The following TRIM62 variants were observed in gnomAD, a reference collection of about 807,000 sequenced individuals.
The protein encoded by TRIM62 is E3 ubiquitin-protein ligase TRIM62.
A neutral mutation model predicts 44.2 loss-of-function variants in TRIM62; 39 were observed. The ratio of observed to expected loss-of-function variants is 0.88; its 90% CI spans 0.68 to 1.15. TRIM62 has a LOEUF of 1.15. Ranked by LOEUF, TRIM62 falls within the 50% of genes most tolerant of loss-of-function variation. The pLI, the probability that TRIM62 is intolerant of heterozygous loss-of-function variation, is 0.00. For synonymous variants in TRIM62, 278 were observed against 292.3 expected (o/e 0.95, Z 0.50); for missense variants, 544 against 665.5 (o/e 0.82, Z 2.01).
Position 33,181,059 on chromosome 1 carries a change from A to G in TRIM62, c.374T>C (p.Val125Ala). 6.4e-7 allele frequency: 1 copy of G among 1,557,954 alleles called. No individual in the cohort carries two copies. The highest frequency in any genetic ancestry group is 8.7e-7 in the Non-Finnish European group (1 of 1,154,160). ...DEPALHEQHQ[V>A]TGIDDAFDEL... ...GTCGAAGGCGTCGTCGATGCCGGTG[A>G]CCTGATGCTGCTCGTGCAGTGCAGG... Residue 125 changes from valine (V) to alanine (A), a missense_variant, in exon 1 of 5, where the codon GTC (valine) becomes GCC (alanine). Physicochemically the swap from Val to Ala is moderately conservative, Grantham distance 64. Coordinates refer to ENST00000291416, the MANE Select transcript of TRIM62 (RefSeq NM_018207.3). This position sits in a 1 kb window ranked among gnomAD's most constrained non-coding sequence, Gnocchi z 6.5.
intron 4 of TRIM62, among the ~76,000 whole-genome samples, chr1:33,152,304 G>A (rs1236373227): frequency 6.6e-6 from 1 of 152,190 alleles, no homozygotes; most frequent in Admixed American, 6.5e-5. Flanking sequence ...GGTGGCTCAC[G>A]CCCGTAATTC....
At position 33,181,070 on chromosome 1, in the gene TRIM62, C is replaced by T. The variant is rs1418818870; in HGVS notation, c.363G>A (p.Glu121=). ...CGTCGATGCCGGTGACCTGATGCTG[C>T]TCGTGCAGTGCAGGCTCGTCGCAGA... ...CFFCDEPALH[E]QHQVTGIDDA... Residue 121 remains glutamate (E), a synonymous_variant, in exon 1 of 5, where the codon GAG becomes GAA. Transcript: ENST00000291416. This position sits in a 1 kb window ranked among gnomAD's most constrained non-coding sequence, Gnocchi z 6.5. 1 of 1,599,550 alleles carries T rather than the reference C, an allele frequency of 6.3e-7. No individual in the cohort carries two copies. The highest frequency in any genetic ancestry group is 8.5e-7 in the Non-Finnish European group (1 of 1,178,682).
chr1:33,160,985 T>G (rs1031437378), intron 2 of TRIM62, among the ~76,000 whole-genome samples: 24 of 152,122 alleles, frequency 1.6e-4, no homozygotes, highest in African/African-American at 5.8e-4. Flanking sequence ...GGGCACAGGT[T>G]TGGTGCCTGA....
At chr1:33,166,445 A>G (rs1162607303) in intron 1 of TRIM62, 5 of 152,064 alleles carry the variant, frequency 3.3e-5, no homozygotes, top group East Asian at 1.9e-4. Context: ...GTCCAATGCT[A>G]CAGACTAGCT....
At chr1:33,170,439 G>A (rs1382990767) in intron 1 of TRIM62, among the ~76,000 whole-genome samples, 1 of 152,102 alleles carries the variant, frequency 6.6e-6, no homozygotes, top group Non-Finnish European at 1.5e-5. Flanking sequence ...GGGCTCTTGA[G>A]GGCAAGGACT....
intron 4 of TRIM62, among the ~76,000 whole-genome samples, chr1:33,151,405 C>T (rs1645096271): frequency 6.6e-6 from 1 of 152,128 alleles, no homozygotes; most frequent in Admixed American, 6.5e-5. Flanking sequence ...CTGAAGCCAC[C>T]TCCAAGGCCT....
chr1:33,179,118 T>C (rs1051162669), intron 1 of TRIM62, among the ~76,000 whole-genome samples: 2 of 152,230 alleles, frequency 1.3e-5, no homozygotes, highest in African/African-American at 2.4e-5. Flanking sequence ...GTTGGACAGA[T>C]GGTTTCAGAC....
At chr1:33,170,367 G>T (rs1263683420) in intron 1 of TRIM62, among the ~76,000 whole-genome samples, 1 of 151,774 alleles carries the variant, frequency 6.6e-6, no homozygotes, top group Admixed American at 6.6e-5. Context: ...TTCCAGCCTG[G>T]GTGACAGAGC....
chr1:33,158,244 A>G lies in TRIM62; in HGVS notation c.877+9T>C, dbSNP rs1356038832. The G allele has an allele frequency of 9.9e-6, 16 of 1,612,972 alleles. No homozygotes were observed. Among genetic ancestry groups the G allele is most frequent in the African/African-American group, 1.3e-5 (1 of 74,906 alleles). ...ACCTAGCTCTGGACCATGATAACCC[A>G]TGCCTTACCTGGGTGGATGTCCTGG... On this transcript the variant is annotated intron_variant, in intron 4 of 4. Coordinates refer to ENST00000291416, the MANE Select transcript of TRIM62 (RefSeq NM_018207.3).
Position 33,153,625 on chromosome 1 carries a change from C to G in TRIM62, c.877+4628G>C, listed in dbSNP as rs745592103. 3.9e-5 allele frequency among the ~76,000 whole-genome samples: 6 copies of G among 152,278 alleles called. 1 individual carries two copies. The highest frequency in any genetic ancestry group is 6.8e-3 in the Middle Eastern group (2 of 294). On this transcript the variant is annotated intron_variant, in intron 4 of 4. Coordinates refer to ENST00000291416, the MANE Select transcript of TRIM62 (RefSeq NM_018207.3). ...GAGAAACCCTGCACTGGGGTGATGG[C>G]AAGTTCCACATCCCTTTGCTCCCTT... is the stretch of plus-strand genomic sequence containing the variant.
chr1:33,167,060 A>G lies in TRIM62; in HGVS notation c.409-1494T>C, dbSNP rs954823258. Among the ~76,000 whole-genome samples, 38 of 152,090 alleles carry G rather than the reference A, an allele frequency of 2.5e-4. No individual in the cohort carries two copies. Among genetic ancestry groups the G allele is most frequent in the African/African-American group, 8.9e-4 (37 of 41,410 alleles). Reference sequence around the variant, plus strand: ...GCCTCCACCATCTTGAGCTCGTTCCAATCTTCAGACTATGCCCTGGCTATT... The same window carrying G: ...GCCTCCACCATCTTGAGCTCGTTCCGATCTTCAGACTATGCCCTGGCTATT... On this transcript the variant is annotated intron_variant, in intron 1 of 4. Coordinates refer to ENST00000291416, the MANE Select transcript of TRIM62 (RefSeq NM_018207.3). This position sits in a 1 kb window ranked among gnomAD's most constrained non-coding sequence, Gnocchi z 4.2.
chr1:33,180,036 T>G (rs1364168712), intron 1 of TRIM62, among the ~76,000 whole-genome samples: 1 of 132,476 alleles, frequency 7.5e-6, no homozygotes, highest in African/African-American at 3.0e-5. Context: ...GGAGAAGGCT[T>G]CACGGAGAGG....
In TRIM62 at chr1:33,147,632, G is replaced by A. The variant is rs1248763076; in HGVS notation, c.973C>T (p.Gln325Ter). 6.2e-7 allele frequency: 1 copy of A among 1,613,926 alleles called. No homozygotes were observed. The highest frequency in any genetic ancestry group is 8.5e-7 in the Non-Finnish European group (1 of 1,180,054). ...TIVAYGNLHP[Q>*]PLQDSPKRFD... Reference sequence around the variant, plus strand: ...CGCTTTGGCGAGTCCTGCAGTGGCTGTGGGTGCAAGTTGCCGTAAGCCACA... The same window carrying A: ...CGCTTTGGCGAGTCCTGCAGTGGCTATGGGTGCAAGTTGCCGTAAGCCACA... The change falls in exon 5 of 5, where the codon CAG becomes TAG. Residue 325 changes from glutamine to a stop codon, truncating the protein, a stop_gained. Coordinates refer to ENST00000291416, the MANE Select transcript of TRIM62 (RefSeq NM_018207.3). LOFTEE classifies it high-confidence loss of function. This position sits in a 1 kb window ranked among gnomAD's most constrained non-coding sequence, Gnocchi z 8.1.
chr1:33,161,775 C>T lies in TRIM62; in HGVS notation c.505-1831G>A, dbSNP rs1193040017. Among the ~76,000 whole-genome samples, 3 of 152,176 alleles carry T rather than the reference C, an allele frequency of 2.0e-5. No homozygotes were observed. Among genetic ancestry groups the T allele is most frequent in the Non-Finnish European group, 2.9e-5 (2 of 68,028 alleles). ...CCAGACTCCGCAGCTACTCCTCTGG[C>T]TCCTCCTAGACCACTCTGCAGCACT... On this transcript the variant is annotated intron_variant, in intron 2 of 4. Coordinates refer to ENST00000291416, the MANE Select transcript of TRIM62 (RefSeq NM_018207.3). The surrounding 1 kb of genome is among the most constrained non-coding windows in gnomAD (Gnocchi z 4.3).
At chr1:33,178,137 G>A (rs568288676) in intron 1 of TRIM62, among the ~76,000 whole-genome samples, 26 of 152,286 alleles carry the variant, frequency 1.7e-4, no homozygotes, top group African/African-American at 5.8e-4. Context: ...CGAGGCCTTA[G>A]GCAAGTTCCC....
At position 33,147,452 on chromosome 1, in the gene TRIM62, C is replaced by T. The variant is rs915439854; in HGVS notation, c.1153G>A (p.Gly385Ser). The T allele has an allele frequency of 1.2e-5, 19 of 1,613,880 alleles. No individual in the cohort carries two copies. Among genetic ancestry groups the T allele is most frequent in the African/African-American group, 1.3e-5 (1 of 74,934 alleles). ...KGSIQIQPSR[G>S]FYCIVMHDGN... ...TCGTGCATCACGATGCAGTAGAAGC[C>T]GCGGCTGGGCTGGATCTGGATGCTG... is the stretch of plus-strand genomic sequence containing the variant. Residue 385 changes from glycine (G) to serine (S), a missense_variant, in exon 5 of 5, where the codon GGC (glycine) becomes AGC (serine). By Grantham distance (56) the Gly-to-Ser change is moderately conservative (BLOSUM62 0). Coordinates refer to ENST00000291416, the MANE Select transcript of TRIM62 (RefSeq NM_018207.3). This position sits in a 1 kb window ranked among gnomAD's most constrained non-coding sequence, Gnocchi z 8.1.
Position 33,159,746 on chromosome 1 carries a change from G to A in TRIM62, c.703C>T (p.Arg235Trp), listed in dbSNP as rs760519090. The A allele has an allele frequency of 9.9e-6, 16 of 1,613,010 alleles. No homozygotes were observed. The highest frequency in any genetic ancestry group is 3.3e-5 in the Admixed American group (2 of 60,016). Reference protein sequence around the residue: ...VQEGAQILQERLAETDRHTFL... With the variant: ...VQEGAQILQEWLAETDRHTFL... ...GTGTGCCGGTCGGTTTCAGCCAGCC[G>A]CTCCTGCAGGATCTGGGCTCCCTCC... Residue 235 changes from arginine (R) to tryptophan (W), a missense_variant, in exon 3 of 5, where the codon CGG (arginine) becomes TGG (tryptophan). By Grantham distance (101) the Arg-to-Trp change is moderately radical. Transcript: ENST00000291416. This position sits in a 1 kb window ranked among gnomAD's most constrained non-coding sequence, Gnocchi z 4.2.
intron 4 of TRIM62, among the ~76,000 whole-genome samples, chr1:33,154,111 GTGTAGATGAGGGAGAATACAAAACA>G (rs1296784409): frequency 2.6e-5 from 4 of 152,248 alleles, no homozygotes; most frequent in African/African-American, 4.8e-5. Context: ...ATGTGCAAAC[GTGTAGATGAGGGAGAATACAAAACA>G]TGTAGATGAG....
At chr1:33,158,923 C>A (rs927258236) in intron 3 of TRIM62, among the ~76,000 whole-genome samples, 1 of 152,102 alleles carries the variant, frequency 6.6e-6, no homozygotes, top group Non-Finnish European at 1.5e-5. Flanking sequence ...TCACTGCAAC[C>A]TCTGCCTCCT....
Sources: allele counts gnomAD v4.1 joint callset (sites outside exome capture counted in the v4.1 genomes callset), GRCh38; gene constraint gnomAD v4.1.1; non-coding constraint Gnocchi (gnomAD v3.1); transcripts MANE v1.5; gene names NCBI Gene and HGNC (gene_info 2026-07-23, HGNC 2026-07-21).